Variants in VAV3 observed in about 807,000 individuals in gnomAD.
VAV3 encodes vav guanine nucleotide exchange factor 3, also known as guanine nucleotide exchange factor VAV3.
In VAV3, 94 loss-of-function variants were observed where a neutral mutation model predicts 131.2. That is an observed-to-expected ratio of 0.72 (90% CI 0.61 to 0.85). The LOEUF (loss-of-function observed/expected upper bound fraction) is 0.85, where lower values mean the gene tolerates loss of function less well. VAV3 is among the 40% of genes least tolerant of loss of function. The pLI is 0.00. For synonymous variants in VAV3, 349 were observed against 342.0 expected (o/e 1.02, Z -0.22); for missense variants, 939 against 1,002.7 (o/e 0.94, Z 0.86).
chr1:107,600,347 CTTGT>C (rs1166604020), intron 24 of VAV3, among the ~76,000 whole-genome samples: 1 of 152,034 alleles, frequency 6.6e-6, no homozygotes, highest in African/African-American at 2.4e-5. Context: ...TTTCCAGCTC[CTTGT>C]TTTTCTTTTC....
chr1:107,939,626 T>G (rs933060201), intron 1 of VAV3, among the ~76,000 whole-genome samples: 1 of 152,210 alleles, frequency 6.6e-6, no homozygotes, highest in Non-Finnish European at 1.5e-5. Flanking sequence ...TTTTAACTTA[T>G]GGGTTTCTCA....
intron 2 of VAV3, among the ~76,000 whole-genome samples, chr1:107,809,391 T>C (rs1339413635): frequency 6.6e-6 from 1 of 152,210 alleles, no homozygotes; most frequent in African/African-American, 2.4e-5. Flanking sequence ...AGAGCATTAC[T>C]GTATCAGCAC....
intron 2 of VAV3, among the ~76,000 whole-genome samples, chr1:107,826,073 T>C (rs1667997331): frequency 6.6e-6 from 1 of 152,084 alleles, no homozygotes; most frequent in Admixed American, 6.6e-5. Context: ...AATAACAAGG[T>C]CTCCACTTGT....
rs972927294 is a variant in VAV3, at chr1:107,704,606, C to T, written c.1649G>A (p.Arg550Lys). The change falls in exon 17 of 27, where the codon AGA (arginine) becomes AAA (lysine). Residue 550 changes from arginine (R) to lysine (K), a missense_variant. Transcript: ENST00000370056. ...QGYLCFKCGA[R>K]AHKECLGRVD... ...TCTTCCCAAACATTCTTTGTGTGCT[C>T]TCGCTCCACACTTAAAACATAAATA... The T allele has an allele frequency of 3.1e-6, 5 of 1,613,970 alleles. No homozygotes were observed. The highest frequency in any genetic ancestry group is 4.2e-6 in the Non-Finnish European group (5 of 1,179,934).
intron 1 of VAV3, among the ~76,000 whole-genome samples, chr1:107,944,434 A>T (rs540806823): frequency 1.1e-4 from 16 of 152,344 alleles, no homozygotes; most frequent in Admixed American, 2.0e-4. Flanking sequence ...CCACAGGTAA[A>T]CATGAGATAC....
At chr1:107,819,881 A>G (rs1359610641) in intron 2 of VAV3, among the ~76,000 whole-genome samples, 1 of 152,178 alleles carries the variant, frequency 6.6e-6, no homozygotes, top group Non-Finnish European at 1.5e-5. Flanking sequence ...TGATCATTAG[A>G]GAAATAAAAA....
chr1:107,606,803 CTTTTTTTTT>C (rs34849497), intron 22 of VAV3, among the ~76,000 whole-genome samples: 1 of 57,998 alleles, frequency 1.7e-5, no homozygotes, highest in Non-Finnish European at 3.2e-5. Flanking sequence ...ATGGTTTCTT[CTTTTTTTTT>C]TTTTTTTTTT....
rs1020456888 is a variant in VAV3, at chr1:107,669,507, A to T, written c.1777+13981T>A. 3.1e-6 allele frequency: 4 copies of T among 1,275,802 alleles called. No individual in the cohort carries two copies. The African/African-American group carries it at 6.2e-5, about 20-fold the overall frequency. 79.0% of individuals were successfully genotyped at this position (1,275,802 alleles called of 1,614,324 possible). A position where few individuals can be genotyped will look rare whatever the true frequency, so the allele number is the denominator to read the frequency against. ...ACAAGAAAGAAATAAACACATTTTC[A>T]AGAATGCCTGAAAATTTCACCATGG... On this transcript the variant is annotated intron_variant, in intron 19 of 26. Coordinates refer to ENST00000370056, the MANE Select transcript of VAV3 (RefSeq NM_006113.5).
intron 25 of VAV3, among the ~76,000 whole-genome samples, chr1:107,584,438 G>A (rs563428431): frequency 1.7e-4 from 26 of 152,144 alleles, no homozygotes; most frequent in African/African-American, 4.6e-4. Context: ...GCTTCTGCAC[G>A]GCAAAAGAAA....
At chr1:107,781,396 C>A (rs773606513) in intron 2 of VAV3, among the ~76,000 whole-genome samples, 2 of 152,034 alleles carry the variant, frequency 1.3e-5, no homozygotes, top group African/African-American at 2.4e-5. Context: ...ACATTTTAAG[C>A]GTTCTCACCA....
At chr1:107,628,184 G>A (rs1348486563) in intron 20 of VAV3, among the ~76,000 whole-genome samples, 1 of 152,092 alleles carries the variant, frequency 6.6e-6, no homozygotes, top group Admixed American at 6.6e-5. Flanking sequence ...TCAATGGTTG[G>A]AGGTTTGAGA....
At chr1:107,604,108 T>C (rs1335346351) in intron 22 of VAV3, among the ~76,000 whole-genome samples, 1 of 152,222 alleles carries the variant, frequency 6.6e-6, no homozygotes, top group African/African-American at 2.4e-5. Flanking sequence ...TAAAATCTCC[T>C]GGCAAGTTAC....
intron 20 of VAV3, among the ~76,000 whole-genome samples, chr1:107,627,096 C>G (rs1435782635): frequency 6.6e-6 from 1 of 152,148 alleles, no homozygotes; most frequent in Admixed American, 6.5e-5. Context: ...ACTAACTCCA[C>G]TCAGCTGCAC....
chr1:107,837,872 T>C (rs1015301330), intron 2 of VAV3, among the ~76,000 whole-genome samples: 1 of 152,152 alleles, frequency 6.6e-6, no homozygotes, highest in Non-Finnish European at 1.5e-5. Flanking sequence ...CCTATCACCA[T>C]ATACAAAAAT....
chr1:107,677,925 T>C (rs1658325163), intron 19 of VAV3: 1 of 152,182 alleles, frequency 6.6e-6, no homozygotes, highest in South Asian at 2.1e-4. Context: ...GAACTCGGAA[T>C]GAGCCTTGAA....
In VAV3 at chr1:107,766,511, G is replaced by C; in HGVS notation, c.757C>G (p.His253Asp). ...TCATTTTTATTTACAATGGAATCATGAATCTCTTGCATTAGGTTCCGATGA... is the reference window on the plus strand; with the variant it reads ...TCATTTTTATTTACAATGGAATCATCAATCTCTTGCATTAGGTTCCGATGA... ...KLHRNLMQEI[H>D]DSIVNKNDQN... Residue 253 changes from histidine to aspartate, a missense_variant, in exon 8 of 27, where the codon CAT becomes GAT. Physicochemically the swap from His to Asp is moderately conservative, Grantham distance 81. Transcript: ENST00000370056. 1 of 1,613,452 alleles carries C rather than the reference G, an allele frequency of 6.2e-7. No homozygotes were observed. The highest frequency in any genetic ancestry group is 8.5e-7 in the Non-Finnish European group (1 of 1,179,702).
At chr1:107,879,351 C>T (rs1346530571) in intron 1 of VAV3, among the ~76,000 whole-genome samples, 7 of 152,178 alleles carry the variant, frequency 4.6e-5, no homozygotes, top group South Asian at 2.1e-4. Flanking sequence ...TGCAACAGAA[C>T]GGCTCATATA....
intron 22 of VAV3, among the ~76,000 whole-genome samples, chr1:107,608,093 CT>C (rs1287073634): frequency 6.6e-6 from 1 of 152,066 alleles, no homozygotes; most frequent in Non-Finnish European, 1.5e-5. Flanking sequence ...ATCTTTATTT[CT>C]TCCTATTTTC....
At chr1:107,632,963 G>A (rs984832595) in intron 20 of VAV3, among the ~76,000 whole-genome samples, 1 of 152,152 alleles carries the variant, frequency 6.6e-6, no homozygotes, top group Non-Finnish European at 1.5e-5. Flanking sequence ...TTTATAGGCT[G>A]CTGAAAGGAA....
Sources: gnomAD v4.1 joint callset for allele counts (sites outside exome capture counted in the v4.1 genomes callset) on GRCh38, gnomAD v4.1.1 for gene constraint, MANE v1.5 for transcripts, NCBI Gene and HGNC (gene_info 2026-07-23, HGNC 2026-07-21) for gene names.